The following DCC variants were observed in gnomAD, a reference collection of about 807,000 sequenced individuals.
The protein encoded by DCC is DCC netrin 1 receptor, also known as netrin receptor DCC.
Under a neutral mutation model 172.5 loss-of-function variants are expected in DCC, and 58 were observed. The observed-to-expected ratio is 0.34, with a 90% CI of 0.27 to 0.42. DCC has a LOEUF of 0.42. DCC is among the 10% of genes least tolerant of loss of function. The probability of loss-of-function intolerance (pLI) is 1.00; values close to 1 mark genes in which losing one functional copy is unlikely to be tolerated. For missense variants in DCC, 1,740 were observed against 1,791.0 expected, an observed-to-expected ratio of 0.97 and a Z score of 0.51; for synonymous variants, 709 against 644.5, an observed-to-expected ratio of 1.10 and a Z score of -1.52.
intron 7 of DCC, among the ~76,000 whole-genome samples, chr18:53,132,643 G>A (rs569195463): frequency 3.3e-5 from 5 of 152,284 alleles, no homozygotes; most frequent in Admixed American, 1.3e-4. Flanking sequence ...TGCTTGAGCA[G>A]GCATGCGGCA....
chr18:53,424,108 T>G (rs1474178779), intron 21 of DCC, among the ~76,000 whole-genome samples: 2 of 152,192 alleles, frequency 1.3e-5, no homozygotes, highest in Non-Finnish European at 2.9e-5. Flanking sequence ...CAGCTGATGG[T>G]AGTTACATTT....
intron 1 of DCC, among the ~76,000 whole-genome samples, chr18:52,696,113 A>G (rs2036007645): frequency 6.6e-6 from 1 of 152,246 alleles, no homozygotes; most frequent in Non-Finnish European, 1.5e-5. Context: ...ACTAAAGCAT[A>G]TTGACACATA....
chr18:53,514,133 C>T (rs1266255781), intron 27 of DCC, among the ~76,000 whole-genome samples: 2 of 152,180 alleles, frequency 1.3e-5, no homozygotes, highest in African/African-American at 4.8e-5. Flanking sequence ...AACTAGAACT[C>T]AGGATTAAGA....
At chr18:53,158,490 A>G (rs906212675) in intron 8 of DCC, among the ~76,000 whole-genome samples, 1 of 152,162 alleles carries the variant, frequency 6.6e-6, no homozygotes, top group Admixed American at 6.5e-5. Flanking sequence ...TAAACATGTG[A>G]TGATCTTTAG....
chr18:53,524,041 G>A (rs1179481257), intron 27 of DCC, among the ~76,000 whole-genome samples: 1 of 151,952 alleles, frequency 6.6e-6, no homozygotes, highest in Non-Finnish European at 1.5e-5. Flanking sequence ...TTTCAGTTAG[G>A]AGGAATAAGT....
chr18:52,750,759 A>G (rs981156999), intron 1 of DCC, among the ~76,000 whole-genome samples: 1 of 152,212 alleles, frequency 6.6e-6, no homozygotes, highest in East Asian at 1.9e-4. Context: ...TTAACCCCTT[A>G]TGAGAATATG....
intron 12 of DCC, among the ~76,000 whole-genome samples, chr18:53,250,314 T>TA (rs1432103892): frequency 1.3e-5 from 2 of 151,936 alleles, no homozygotes; most frequent in Admixed American, 1.3e-4. Flanking sequence ...AAAACTAATT[T>TA]AAAAAAATGA....
At chr18:53,078,243 A>T (rs2042748841) in intron 7 of DCC, among the ~76,000 whole-genome samples, 1 of 152,116 alleles carries the variant, frequency 6.6e-6, no homozygotes, top group South Asian at 2.1e-4. Context: ...GTGAAATATG[A>T]TGGGGCCACT....
intron 1 of DCC, among the ~76,000 whole-genome samples, chr18:52,408,313 A>T (rs199761899): frequency 6.6e-6 from 1 of 151,692 alleles, no homozygotes; most frequent in Non-Finnish European, 1.5e-5. Context: ...AGACATTTTA[A>T]TTTTTTTAAG....
intron 10 of DCC, among the ~76,000 whole-genome samples, chr18:53,206,256 C>G (rs55788163): frequency 2.3e-5 from 3 of 132,396 alleles, no homozygotes; most frequent in Non-Finnish European, 4.6e-5. Flanking sequence ...TACATATATA[C>G]CACATATATG....
rs1428672434 is a variant in DCC at position 53,499,285 on chromosome 18, G to C, written c.3899-13G>C. On this transcript the variant is annotated splice_polypyrimidine_tract_variant and intron_variant, in intron 26 of 28. Coordinates refer to ENST00000442544, the MANE Select transcript of DCC (RefSeq NM_005215.4). ...CCAGGAATAATGAATGACTTTTCTT[G>C]TCTCCACTGCAGCAGTGAGTGAAGG... 1.9e-6 allele frequency: 3 copies of C among 1,613,522 alleles called. No homozygotes were observed. The South Asian group carries it at 3.3e-5, about 18-fold the overall frequency.
chr18:53,272,484 A>G (rs2056760356), intron 12 of DCC, among the ~76,000 whole-genome samples: 1 of 152,152 alleles, frequency 6.6e-6, no homozygotes, highest in African/African-American at 2.4e-5. Flanking sequence ...TCAAAGAGGT[A>G]TGCGTATTTC....
chr18:53,257,494 G>GT (rs2056535383), intron 12 of DCC, among the ~76,000 whole-genome samples: 2 of 152,150 alleles, frequency 1.3e-5, no homozygotes, highest in Admixed American at 6.5e-5. Context: ...CATTGGTTCT[G>GT]ATTATATGCT....
chr18:52,476,459 G>T (rs575402828), intron 1 of DCC, among the ~76,000 whole-genome samples: 6 of 152,248 alleles, frequency 3.9e-5, no homozygotes, highest in East Asian at 1.9e-4. Flanking sequence ...TTAATGTTGC[G>T]CAGATTATGG....
chr18:52,563,088 G>A (rs1447958241), intron 1 of DCC, among the ~76,000 whole-genome samples: 1 of 152,038 alleles, frequency 6.6e-6, no homozygotes, highest in Non-Finnish European at 1.5e-5. Context: ...TCATCTCTCC[G>A]TTAGGTAGAA....
At chr18:53,180,621 C>T (rs2055179463) in intron 9 of DCC, among the ~76,000 whole-genome samples, 1 of 152,090 alleles carries the variant, frequency 6.6e-6, no homozygotes, top group Non-Finnish European at 1.5e-5. Context: ...CTAAACAATG[C>T]CAATTTCCTC....
At chr18:52,962,347 T>C (rs1406395193) in intron 5 of DCC, among the ~76,000 whole-genome samples, 1 of 150,530 alleles carries the variant, frequency 6.6e-6, no homozygotes, top group Non-Finnish European at 1.5e-5. Flanking sequence ...AAAAAACACA[T>C]GAAAAAATGC....
chr18:52,375,485 T>C lies in DCC; in HGVS notation c.91+34607T>C, dbSNP rs114465714. On this transcript the variant is annotated intron_variant, in intron 1 of 28. Coordinates refer to ENST00000442544, the MANE Select transcript of DCC (RefSeq NM_005215.4). ...TATAATTAATCTTTATTATTCATTATGAAATTTCAAATAACTCTTAGAAAC... is the reference window on the plus strand; with the variant it reads ...TATAATTAATCTTTATTATTCATTACGAAATTTCAAATAACTCTTAGAAAC... Among the ~76,000 whole-genome samples the C allele has an allele frequency of 8.2e-3, 1,255 of 152,346 alleles. 24 individuals are homozygous for C. Among genetic ancestry groups the C allele is most frequent in the African/African-American group, 0.029 (1,197 of 41,580 alleles).
At chr18:52,507,168 T>C (rs2031260791) in intron 1 of DCC, among the ~76,000 whole-genome samples, 2 of 152,206 alleles carry the variant, frequency 1.3e-5, no homozygotes. Flanking sequence ...ATGAGTCTTA[T>C]TCTCTGTTGA....
Sources: allele counts gnomAD v4.1 joint callset (sites outside exome capture counted in the v4.1 genomes callset), GRCh38; gene constraint gnomAD v4.1.1; transcripts MANE v1.5; gene names NCBI Gene and HGNC (gene_info 2026-07-23, HGNC 2026-07-21).